Variants in CREBBP observed in about 807,000 individuals in gnomAD.
The protein encoded by CREBBP is CREB-binding protein.
In CREBBP, 19 loss-of-function variants were observed where a neutral mutation model predicts 265.0. The ratio of observed to expected loss-of-function variants is 0.07; its 90% CI spans 0.05 to 0.11. CREBBP has a LOEUF of 0.11. CREBBP is among the 10% of genes least tolerant of loss of function. The pLI is 1.00. For missense variants in CREBBP, 2,525 were observed against 3,219.0 expected (o/e 0.78, Z 5.22); for synonymous variants, 1,457 against 1,223.7 (o/e 1.19, Z -3.98).
At chr16:3,734,936 A>T (rs985512542) in intron 28 of CREBBP, among the ~76,000 whole-genome samples, 1 of 152,168 alleles carries the variant, frequency 6.6e-6, no homozygotes, top group African/African-American at 2.4e-5. Flanking sequence ...AGCCCACGCA[A>T]GAGCCACCTC....
chr16:3,844,159 A>T (rs570974670), intron 2 of CREBBP, among the ~76,000 whole-genome samples: 1 of 149,458 alleles, frequency 6.7e-6, no homozygotes, highest in Non-Finnish European at 1.5e-5. Flanking sequence ...AAAAAAAAAA[A>T]AAAAAAAAAA....
chr16:3,846,593 T>A (rs1278273505), intron 2 of CREBBP, among the ~76,000 whole-genome samples: 1 of 152,190 alleles, frequency 6.6e-6, no homozygotes, highest in East Asian at 1.9e-4. Context: ...TAAATTACGA[T>A]ATACCCAAAT....
intron 1 of CREBBP, among the ~76,000 whole-genome samples, chr16:3,877,514 T>C (rs1488525417): frequency 6.6e-6 from 1 of 152,230 alleles, no homozygotes; most frequent in Non-Finnish European, 1.5e-5. Flanking sequence ...GCAATTGTCA[T>C]GCCTCAGCCT....
At chr16:3,733,775 G>A (rs1470273334) in intron 28 of CREBBP, among the ~76,000 whole-genome samples, 3 of 152,108 alleles carry the variant, frequency 2.0e-5, no homozygotes, top group Admixed American at 2.0e-4. Context: ...CCAAGTAGCT[G>A]GGACTACAGG....
chr16:3,744,366 G>C (rs546237519), intron 23 of CREBBP, among the ~76,000 whole-genome samples: 91 of 152,312 alleles, frequency 6.0e-4, no homozygotes, highest in African/African-American at 2.1e-3. Context: ...GAGGGGTGAG[G>C]GGTCTTAGGT....
intron 3 of CREBBP, among the ~76,000 whole-genome samples, chr16:3,801,455 G>C (rs964392267): frequency 2.6e-5 from 4 of 152,088 alleles, no homozygotes; most frequent in Non-Finnish European, 5.9e-5. Flanking sequence ...GATCACTTGA[G>C]GTCAGCAGTT....
At position 3,749,538 on chromosome 16, in the gene CREBBP, T is replaced by A; in HGVS notation, c.3836+89A>T. On this transcript the variant is annotated intron_variant, in intron 21 of 30. Transcript: ENST00000262367. ...TCCACTTACGGCAACATATTTCCAA[T>A]GTTTTTACCCACAACCCACTCCATA... 9.6e-6 allele frequency: 8 copies of A among 832,990 alleles called. No homozygotes were observed. In the South Asian group the frequency reaches 1.2e-4, roughly 13 times the overall value. The allele number at this position is 832,990 out of a possible 1,614,324, so 51.6% of individuals were successfully genotyped here.
intron 2 of CREBBP, among the ~76,000 whole-genome samples, chr16:3,838,636 G>A (rs1215141542): frequency 3.3e-5 from 5 of 152,248 alleles, no homozygotes; most frequent in African/African-American, 4.8e-5. Flanking sequence ...TTTCTTTAGC[G>A]CTAAGTATGA....
At chr16:3,788,376 C>G (rs2053434680) in intron 5 of CREBBP, among the ~76,000 whole-genome samples, 1 of 152,154 alleles carries the variant, frequency 6.6e-6, no homozygotes, top group Non-Finnish European at 1.5e-5. Flanking sequence ...TGCTTACAAC[C>G]TGGGAGCACC....
chr16:3,879,234 GCACACACA>G (rs77377127), intron 1 of CREBBP, among the ~76,000 whole-genome samples: 4,971 of 150,810 alleles, frequency 0.033, 238 homozygotes, highest in East Asian at 0.2. Flanking sequence ...ACACACGCGC[GCACACACA>G]CACACACACA....
chr16:3,774,072 G>A (rs1453473489), intron 12 of CREBBP, 142 bp from the exon 13 acceptor site: 7 of 923,756 alleles, frequency 7.6e-6, no homozygotes, highest in Non-Finnish European at 1.2e-5. Flanking sequence ...CTCATGGGAA[G>A]AGACCACCAC....
chr16:3,767,490 C>T lies in CREBBP; in HGVS notation c.3250+230G>A, dbSNP rs960578271. 6.5e-6 allele frequency: 4 copies of T among 611,456 alleles called. No homozygotes were observed. In the African/African-American group the frequency reaches 7.4e-5, roughly 11 times the overall value. The allele number at this position is 611,456 out of a possible 1,614,324, so 37.9% of individuals were successfully genotyped here. On this transcript the variant is annotated intron_variant, in intron 16 of 30. Transcript: ENST00000262367. Reference sequence around the variant, plus strand: ...GAAGACAGCTCTGCAGCCTGGGTGCCCTCGGAGCAGCAGCTCATCTCTCAC... The same window carrying T: ...GAAGACAGCTCTGCAGCCTGGGTGCTCTCGGAGCAGCAGCTCATCTCTCAC...
intron 2 of CREBBP, among the ~76,000 whole-genome samples, chr16:3,846,377 T>C (rs1419784648): frequency 6.6e-6 from 1 of 152,238 alleles, no homozygotes; most frequent in Non-Finnish European, 1.5e-5. Flanking sequence ...ATTTGCACAA[T>C]ATTTCTGAAG....
At chr16:3,756,376 G>A (rs532998359) in intron 19 of CREBBP, among the ~76,000 whole-genome samples, 2 of 152,350 alleles carry the variant, frequency 1.3e-5, no homozygotes, top group East Asian at 3.9e-4. Flanking sequence ...CTGCGGTACA[G>A]ATAAGCTGAC....
In CREBBP at chr16:3,782,709, C is replaced by T. The variant is rs1227087304; in HGVS notation, c.1548G>A (p.Gln516=). 1 of 1,614,018 alleles carries T rather than the reference C, an allele frequency of 6.2e-7. No individual in the cohort carries two copies. Among genetic ancestry groups the T allele is most frequent in the African/African-American group, 1.3e-5 (1 of 74,930 alleles). Residue 516 remains glutamine, a synonymous_variant, in exon 6 of 31, where the codon CAG becomes CAA. Transcript: ENST00000262367. ...GQQPAQPQTH[Q]QMRTLNPLGN... is the part of the protein sequence containing the mutation. The stretch of plus-strand genomic sequence containing the variant: ...CCAGGGGGTTGAGAGTCCTCATCTG[C>T]TGGTGGGTTTGAGGCTGTGCTGGTT...
At position 3,729,755 on chromosome 16, in the gene CREBBP, G is replaced by A. The variant is rs1567263591; in HGVS notation, c.5292C>T (p.Pro1764=). ...GGATGCTCAGCCGGCGTGACTCCTG[G>A]GGGCTCTTTGACTGTGGCTCGCCCT... ...SSQGEPQSKS[P]QESRRLSIQR... The change falls in exon 31 of 31, where the codon CCC becomes CCT. Residue 1764 remains proline, a synonymous_variant. Coordinates refer to ENST00000262367, the MANE Select transcript of CREBBP (RefSeq NM_004380.3). 1.2e-6 allele frequency: 2 copies of A among 1,608,552 alleles called. No individual in the cohort carries two copies. The highest frequency in any genetic ancestry group is 1.7e-6 in the Non-Finnish European group (2 of 1,179,482).
At position 3,757,884 on chromosome 16, in the gene CREBBP, G is replaced by A. The variant is rs1196745629; in HGVS notation, c.3534C>T (p.Cys1178=). The stretch of plus-strand genomic sequence containing the variant: ...GCTCAAAGACCTCTGCAAGCTTACT[G>A]CAAAACTTATAGACTCGGGATGTCT... The part of the protein sequence containing the change: ...NRKTSRVYKF[C]SKLAEVFEQE... Residue 1178 remains cysteine, a synonymous_variant, in exon 18 of 31, where the codon TGC becomes TGT. Coordinates refer to ENST00000262367, the MANE Select transcript of CREBBP (RefSeq NM_004380.3). 6.2e-7 allele frequency: 1 copy of A among 1,614,146 alleles called. No homozygotes were observed.
chr16:3,867,942 A>G (rs892734616), intron 1 of CREBBP, among the ~76,000 whole-genome samples: 4 of 152,012 alleles, frequency 2.6e-5, no homozygotes, highest in African/African-American at 9.7e-5. Flanking sequence ...AATAAAAATA[A>G]ATTTAAAAAA....
Position 3,819,148 on chromosome 16 carries a change from G to A in CREBBP, c.799-8369C>T, listed in dbSNP as rs541813031. 1.1e-4 allele frequency among the ~76,000 whole-genome samples: 17 copies of A among 152,368 alleles called. 1 individual carries two copies. The South Asian group carries it at 3.5e-3, about 32-fold the overall frequency. On this transcript the variant is annotated intron_variant, in intron 2 of 30. Transcript: ENST00000262367. Reference sequence around the variant, plus strand: ...CTGAAAAAACCAAATTTTTCTTATTGGAACACAGCCACAAATACAATTTCA... The same window carrying A: ...CTGAAAAAACCAAATTTTTCTTATTAGAACACAGCCACAAATACAATTTCA...
Sources: allele counts gnomAD v4.1 joint callset (sites outside exome capture counted in the v4.1 genomes callset), GRCh38; gene constraint gnomAD v4.1.1; transcripts MANE v1.5; gene names NCBI Gene and HGNC (gene_info 2026-07-23, HGNC 2026-07-21).